NRG1: variants seen among roughly 807,000 people sequenced by gnomAD.
NRG1 encodes the protein neuregulin 1, also known as pro-neuregulin-1, membrane-bound isoform.
NRG1 carries 18 observed loss-of-function variants against 63.8 expected under a neutral mutation model. The observed-to-expected ratio is 0.28, with a 90% CI of 0.19 to 0.42. NRG1 has a LOEUF of 0.42. Ranked by LOEUF, NRG1 falls within the 10% of genes least tolerant of loss-of-function variation. The pLI, the probability that NRG1 is intolerant of heterozygous loss-of-function variation, is 1.00. For synonymous variants in NRG1, 302 were observed against 301.3 expected, an observed-to-expected ratio of 1.00 and a Z score of -0.02; for missense variants, 762 against 814.7, an observed-to-expected ratio of 0.94 and a Z score of 0.79.
chr8:32,660,670 G>A (rs978203652), intron 5 of NRG1, among the ~76,000 whole-genome samples: 7 of 152,156 alleles, frequency 4.6e-5, no homozygotes, highest in African/African-American at 1.7e-4. Flanking sequence ...CTCCGGCTGT[G>A]TGACAGCATG....
At chr8:32,006,350 G>C (rs1813763473) in intron 1 of NRG1, among the ~76,000 whole-genome samples, 1 of 152,016 alleles carries the variant, frequency 6.6e-6, no homozygotes, top group African/African-American at 2.4e-5. Flanking sequence ...GTATTGGGCA[G>C]AATTTCCAGA....
intron 1 of NRG1, among the ~76,000 whole-genome samples, chr8:32,561,162 A>C (rs546463418): frequency 1.3e-5 from 2 of 152,330 alleles, no homozygotes; most frequent in Admixed American, 1.3e-4. Context: ...TAAGGATTTT[A>C]ATTATTACCA....
At chr8:32,212,754 C>T (rs1844822472) in intron 1 of NRG1, among the ~76,000 whole-genome samples, 1 of 152,044 alleles carries the variant, frequency 6.6e-6, no homozygotes, top group Non-Finnish European at 1.5e-5. Context: ...ATCAACATTC[C>T]AGCAATAAAC....
intron 1 of NRG1, among the ~76,000 whole-genome samples, chr8:31,870,993 C>G (rs2129611547): frequency 6.8e-6 from 1 of 147,762 alleles, no homozygotes; most frequent in East Asian, 1.9e-4. Flanking sequence ...GTCAGATCCA[C>G]ACTTTTATTT....
intron 5 of NRG1, among the ~76,000 whole-genome samples, chr8:32,651,977 G>A (rs1486695224): frequency 4.6e-5 from 7 of 152,080 alleles, no homozygotes; most frequent in Non-Finnish European, 8.8e-5. Context: ...TACCAATGAA[G>A]AAACCCAGGC....
intron 1 of NRG1, among the ~76,000 whole-genome samples, chr8:32,196,920 A>T (rs1328789565): frequency 1.7e-5 from 2 of 114,514 alleles, no homozygotes; most frequent in Non-Finnish European, 3.6e-5. Flanking sequence ...CTGGTTTTCT[A>T]CCAGGCCTGT....
intron 5 of NRG1, among the ~76,000 whole-genome samples, chr8:32,654,658 T>TGTATATTATA (rs548070225): frequency 6.6e-6 from 1 of 150,516 alleles, no homozygotes. Flanking sequence ...CTTTATAATA[T>TGTATATTATA]TGATATGTAT....
At chr8:31,912,566 CT>C (rs3052846) in intron 1 of NRG1, among the ~76,000 whole-genome samples, 15,595 of 105,210 alleles carry the variant, frequency 0.15, 820 homozygotes, top group Middle Eastern at 0.19. Context: ...TTTAGAAATG[CT>C]TTTTTTTTTT....
intron 1 of NRG1, among the ~76,000 whole-genome samples, chr8:32,200,131 G>T (rs181146338): frequency 7.2e-4 from 109 of 152,234 alleles, no homozygotes; most frequent in African/African-American, 2.5e-3. Flanking sequence ...TTATTACTTT[G>T]ATAATTTCCT....
intron 1 of NRG1, among the ~76,000 whole-genome samples, chr8:32,196,956 T>TTTTTTTTTTTTTTTTTTTG: frequency 9.8e-6 from 1 of 101,852 alleles, no homozygotes. Flanking sequence ...TTTTTTTTTT[T>TTTTTTTTTTTTTTTTTTTG]TTTTTTTTTT....
At chr8:32,755,328 A>C (rs1829481099) in intron 8 of NRG1, among the ~76,000 whole-genome samples, 1 of 152,190 alleles carries the variant, frequency 6.6e-6, no homozygotes, top group African/African-American at 2.4e-5. Flanking sequence ...TTGCTGCACG[A>C]TACTCTGTTG....
chr8:32,010,135 G>A (rs919260836), intron 1 of NRG1, among the ~76,000 whole-genome samples: 9 of 151,956 alleles, frequency 5.9e-5, no homozygotes, highest in East Asian at 1.9e-4. Context: ...AATAGCTTGC[G>A]TCTTATTCTT....
chr8:32,479,369 C>A (rs1824938204), intron 1 of NRG1, among the ~76,000 whole-genome samples: 1 of 151,940 alleles, frequency 6.6e-6, no homozygotes, highest in African/African-American at 2.4e-5. Context: ...CCCAGCTAGT[C>A]AGGAGGCTGA....
chr8:32,752,938 T>C (rs945631606), intron 7 of NRG1, among the ~76,000 whole-genome samples: 4 of 152,224 alleles, frequency 2.6e-5, no homozygotes. Context: ...ATGTTTTGTT[T>C]CATGATAAGG....
At chr8:32,313,057 G>A (rs1446857588) in intron 1 of NRG1, among the ~76,000 whole-genome samples, 1 of 152,162 alleles carries the variant, frequency 6.6e-6, no homozygotes, top group Non-Finnish European at 1.5e-5. Context: ...GGAGGCTGAG[G>A]CAGGAGAATT....
At chr8:32,643,222 A>T (rs942024005) in intron 5 of NRG1, among the ~76,000 whole-genome samples, 2 of 152,150 alleles carry the variant, frequency 1.3e-5, no homozygotes, top group African/African-American at 4.8e-5. Flanking sequence ...TGTGGCTGCA[A>T]ATTCTTTGCC....
intron 5 of NRG1, among the ~76,000 whole-genome samples, chr8:32,702,557 G>C (rs1162849168): frequency 6.6e-6 from 1 of 152,114 alleles, no homozygotes; most frequent in Non-Finnish European, 1.5e-5. Context: ...TGCAGTCTTG[G>C]CTAACTACCA....
chr8:32,101,697 C>A (rs538940249), intron 1 of NRG1, among the ~76,000 whole-genome samples: 1 of 152,038 alleles, frequency 6.6e-6, no homozygotes, highest in African/African-American at 2.4e-5. Flanking sequence ...AGAAATAGCA[C>A]GCTAGTTGCG....
At chr8:31,724,965 AT>A in intron 1 of NRG1, among the ~76,000 whole-genome samples, 1 of 152,244 alleles carries the variant, frequency 6.6e-6, no homozygotes, top group East Asian at 1.9e-4. Context: ...GAAAGCATCC[AT>A]AGATAGTACA....
Sources: allele counts gnomAD v4.1 joint callset (sites outside exome capture counted in the v4.1 genomes callset), GRCh38; gene constraint gnomAD v4.1.1; transcripts MANE v1.5; gene names NCBI Gene and HGNC (gene_info 2026-07-23, HGNC 2026-07-21).